TP53I11: variants seen among roughly 807,000 people sequenced by gnomAD.
TP53I11 encodes tumor protein p53-inducible protein 11.
In TP53I11, 9 loss-of-function variants were observed where a neutral mutation model predicts 23.3. The observed-to-expected ratio is 0.39, with a 90% confidence interval of 0.23 to 0.67. The LOEUF (loss-of-function observed/expected upper bound fraction) is 0.67. Among genes scored for constraint, TP53I11 ranks in the 30% least tolerant of loss-of-function variants. The pLI is 0.48. For missense variants in TP53I11, 170 were observed against 255.2 expected (o/e 0.67, Z 2.27); for synonymous variants, 100 against 106.1 (o/e 0.94, Z 0.35).
At position 44,933,196 on chromosome 11, in the gene TP53I11, G is replaced by A. The variant is rs1590722426; in HGVS notation, c.*1688C>T. ...TGCTCTGCCACGTTTACCAAGCAGA[G>A]TCTCGGGGCATCCGCTGTAACCATG... On this transcript the variant is annotated 3_prime_UTR_variant, in exon 7 of 7. Transcript: ENST00000525680. 1 of 152,324 alleles carries A rather than the reference G, an allele frequency of 6.6e-6. No individual in the cohort carries two copies. Among genetic ancestry groups the A allele is most frequent in the African/African-American group, 2.4e-5 (1 of 41,458 alleles). The allele number at this position is 152,324 out of a possible 1,614,324, so 9.4% of individuals were successfully genotyped here. A position where few individuals can be genotyped will look rare whatever the true frequency, so the allele number is the denominator to read the frequency against.
chr11:44,949,148 C>CT (rs1355222701), intron 1 of TP53I11, among the ~76,000 whole-genome samples: 1 of 152,222 alleles, frequency 6.6e-6, no homozygotes, highest in Admixed American at 6.5e-5. Context: ...GGAGAATAGT[C>CT]TTATTTCCTA....
chr11:44,947,681 T>G (rs1294717121), intron 1 of TP53I11, among the ~76,000 whole-genome samples: 1 of 152,132 alleles, frequency 6.6e-6, no homozygotes, highest in Non-Finnish European at 1.5e-5. Context: ...GCTTAGTGGT[T>G]AAAGGACTAG....
At chr11:44,937,087 GAGA>G (rs1264313828) in intron 4 of TP53I11, 188 bp from the exon 5 acceptor site, 21 of 757,948 alleles carry the variant, frequency 2.8e-5, no homozygotes, top group South Asian at 1.8e-4. Flanking sequence ...GGGTTCCTGG[GAGA>G]AGGAGTCAGG....
chr11:44,939,405 C>T (rs1343760548), intron 1 of TP53I11: 1 of 152,250 alleles, frequency 6.6e-6, no homozygotes. Context: ...TCCAGAATCT[C>T]ATTCCCACTT....
rs1021911054 is a variant in TP53I11 at position 44,935,766 on chromosome 11, C to G, written c.335-104G>C. On this transcript the variant is annotated intron_variant, in intron 5 of 6. Coordinates refer to ENST00000525680, the MANE Select transcript of TP53I11 (RefSeq NM_006034.5). ...TCCTCTGGCCACTGCTGCAAGACAG[C>G]TGGGGTCCTGGACTCCACGCCTCCG... 1.3e-5 allele frequency: 10 copies of G among 788,214 alleles called. No individual in the cohort carries two copies. The East Asian group carries it at 2.7e-4, about 21-fold the overall frequency. 48.8% of individuals were successfully genotyped at this position (788,214 alleles called of 1,614,324 possible).
intron 6 of TP53I11, 37 bp downstream of exon 6, chr11:44,935,524 C>T (rs1861001870): frequency 1.9e-6 from 3 of 1,593,466 alleles, no homozygotes; most frequent in Non-Finnish European, 8.6e-7. Flanking sequence ...GGCGAAGCGG[C>T]CCATCAGCCT....
chr11:44,942,997 G>A (rs1353445867), intron 1 of TP53I11, among the ~76,000 whole-genome samples: 8 of 152,182 alleles, frequency 5.3e-5, no homozygotes, highest in Non-Finnish European at 1.2e-4. Flanking sequence ...AGACTCCACC[G>A]TGCACTATGG....
chr11:44,941,027 C>T (rs1565097303), intron 1 of TP53I11: 1 of 152,274 alleles, frequency 6.6e-6, no homozygotes, highest in Admixed American at 6.5e-5. Flanking sequence ...TGGCCTTGTG[C>T]TCTGAGTCTC....
rs769224061 is a variant in TP53I11, at chr11:44,936,289, G to A, written c.334+514C>T. 9 of 1,134,590 alleles carry A rather than the reference G, an allele frequency of 7.9e-6. No individual in the cohort carries two copies. In the Admixed American group the frequency reaches 1.4e-4, roughly 18 times the overall value. 70.3% of individuals were successfully genotyped at this position (1,134,590 alleles called of 1,614,324 possible). ...TCAGCCTTTATTCTGTAGGCAATAG[G>A]GAGCCATAGAATATTTCGTAGAAAT... On this transcript the variant is annotated intron_variant, in intron 5 of 6. Transcript: ENST00000525680. This position sits in a 1 kb window ranked among gnomAD's most constrained non-coding sequence, Gnocchi z 4.4.
chr11:44,937,513 C>T (rs189402763), intron 3 of TP53I11, 42 bp downstream of exon 3: 228 of 1,608,924 alleles, frequency 1.4e-4, no homozygotes, highest in African/African-American at 1.2e-3. Flanking sequence ...GCCCCACCGC[C>T]GCAGGCCTTC....
At chr11:44,935,058 G>A (rs745684062) in intron 6 of TP53I11, 41 bp from the exon 7 acceptor site, 2 of 1,610,582 alleles carry the variant, frequency 1.2e-6, no homozygotes, top group South Asian at 2.2e-5. Context: ...GTCAGAGGAG[G>A]GGATGTGTCC....
Position 44,935,015 on chromosome 11 carries a change from C to T in TP53I11, c.439G>A (p.Val147Ile), listed in dbSNP as rs1860922607. 1 of 1,613,574 alleles carries T rather than the reference C, an allele frequency of 6.2e-7. No individual in the cohort carries two copies. The highest frequency in any genetic ancestry group is 8.5e-7 in the Non-Finnish European group (1 of 1,179,968). ...ACYFGVQFLV[V>I]TATLAETGLM... is the part of the protein sequence containing the mutation. ...CCCGTCTCAGCTAGCGTGGCAGTGACCACTGTGGGAGAGAGTCCAGCAAGG... is the reference window on the plus strand; with the variant it reads ...CCCGTCTCAGCTAGCGTGGCAGTGATCACTGTGGGAGAGAGTCCAGCAAGG... Residue 147 changes from valine to isoleucine, a missense_variant and splice_region_variant, in exon 7 of 7, where the codon GTC becomes ATC. By Grantham distance (29) the Val-to-Ile change is conservative (BLOSUM62 3). Transcript: ENST00000525680.
rs554583684 is a variant in TP53I11, at chr11:44,934,577, TAGTC to T, written c.*303_*306del. 388 of 324,862 alleles carry T rather than the reference TAGTC, an allele frequency of 1.2e-3. 11 individuals are homozygous for T. The South Asian group carries it at 0.015, about 13-fold the overall frequency. 20.1% of individuals were successfully genotyped at this position (324,862 alleles called of 1,614,324 possible). On this transcript the variant is annotated 3_prime_UTR_variant, in exon 7 of 7. Transcript: ENST00000525680. The stretch of plus-strand genomic sequence containing the variant: ...TACCCTCATGACTCCAGCCTGACTT[TAGTC>T]AGTGTCTATTGAGGGGGTCTGGAGG...
chr11:44,935,686 GCTGGGGGT>G, intron 5 of TP53I11, 24 bp from the exon 6 acceptor site: 3 of 1,381,300 alleles, frequency 2.2e-6, no homozygotes, highest in Non-Finnish European at 3.1e-6. Context: ...TGAAAAGGGG[GCTGGGGGT>G]GGGACAGCTG....
In TP53I11 at chr11:44,948,393, T is replaced by TCTA. The variant is rs757697186; in HGVS notation, c.-32+2281_-32+2283dup. 1.6e-4 allele frequency among the ~76,000 whole-genome samples: 25 copies of TCTA among 152,214 alleles called. No individual in the cohort carries two copies. The East Asian group carries it at 3.9e-3, about 24-fold the overall frequency. On this transcript the variant is annotated intron_variant, in intron 1 of 6. Coordinates refer to ENST00000525680, the MANE Select transcript of TP53I11 (RefSeq NM_006034.5). ...CTTTGCATGGGCTGTGCTCTAGCTG[T>TCTA]CTACACAGCTCACTCCCTCATCTCC... is the stretch of plus-strand genomic sequence containing the variant.
In TP53I11 at chr11:44,933,498, A is replaced by G. The variant is rs114761364; in HGVS notation, c.*1386T>C. 0.065 allele frequency: 9,974 copies of G among 153,480 alleles called. 1,137 individuals carry two copies. Among genetic ancestry groups the G allele is most frequent in the African/African-American group, 0.23 (9,450 of 41,340 alleles). The allele number at this position is 153,480 out of a possible 1,614,324, so 9.5% of individuals were successfully genotyped here. On this transcript the variant is annotated 3_prime_UTR_variant, in exon 7 of 7. Coordinates refer to ENST00000525680, the MANE Select transcript of TP53I11 (RefSeq NM_006034.5). ...CATCGGTGTGCTGGCAGGAGGGAGAAGGTTGGGATCAGGGACTAACGGGGT... is the reference window on the plus strand; with the variant it reads ...CATCGGTGTGCTGGCAGGAGGGAGAGGGTTGGGATCAGGGACTAACGGGGT...
chr11:44,937,505 C>A (rs771681260), intron 3 of TP53I11, 50 bp downstream of exon 3: 1 of 1,603,284 alleles, frequency 6.2e-7, no homozygotes, highest in Non-Finnish European at 8.5e-7. Context: ...TGCATTCTGC[C>A]CCACCGCCGC....
At chr11:44,946,985 C>T (rs778422712) in intron 1 of TP53I11, 9 of 455,788 alleles carry the variant, frequency 2.0e-5, no homozygotes, top group Non-Finnish European at 4.0e-5. Context: ...GAAAGCCCAA[C>T]CTTTCATCAG....
intron 6 of TP53I11, 150 bp downstream of exon 6, chr11:44,935,409 AAC>A (rs1057058394): frequency 1.4e-6 from 1 of 695,142 alleles, no homozygotes; most frequent in African/African-American, 1.8e-5. Context: ...CACACAAGTA[AAC>A]ACAGCCAGGT....
Sources: allele counts gnomAD v4.1 joint callset (sites outside exome capture counted in the v4.1 genomes callset), GRCh38; gene constraint gnomAD v4.1.1; non-coding constraint Gnocchi (gnomAD v3.1); transcripts MANE v1.5; gene names NCBI Gene and HGNC (gene_info 2026-07-23, HGNC 2026-07-21).